The following STPG1 variants were observed in gnomAD, a reference collection of about 807,000 sequenced individuals.
STPG1 encodes O(6)-methylguanine-induced apoptosis 2.
A neutral mutation model predicts 40.1 loss-of-function variants in STPG1; 33 were observed. The ratio of observed to expected loss-of-function variants is 0.82; its 90% CI spans 0.62 to 1.10. STPG1 has a LOEUF of 1.10. Ranked by LOEUF, STPG1 falls within the 50% of genes least tolerant of loss-of-function variation. STPG1 has a pLI of 0.00. For missense variants in STPG1, 396 were observed against 415.1 expected (o/e 0.95, Z 0.40); for synonymous variants, 150 against 155.0 (o/e 0.97, Z 0.24).
At chr1:24,405,568 C>T (rs934204933) in intron 1 of STPG1, among the ~76,000 whole-genome samples, 1 of 152,110 alleles carries the variant, frequency 6.6e-6, no homozygotes, top group African/African-American at 2.4e-5. Flanking sequence ...AAGTCTTTTA[C>T]ATCCTTACTG....
intron 1 of STPG1, among the ~76,000 whole-genome samples, chr1:24,407,420 T>C (rs1327496443): frequency 1.3e-5 from 2 of 151,672 alleles, no homozygotes; most frequent in East Asian, 3.9e-4. Flanking sequence ...GTAGTCTATA[T>C]TGTCATGTCT....
intron 7 of STPG1, chr1:24,369,361 T>G (rs1416730263): frequency 1.9e-6 from 1 of 523,568 alleles, no homozygotes; most frequent in Non-Finnish European, 3.8e-6. Flanking sequence ...GTTGGCTGTG[T>G]GGACTTGGGC....
intron 2 of STPG1, chr1:24,392,154 A>G (rs1051525760): frequency 5.2e-5 from 43 of 828,514 alleles, no homozygotes; most frequent in Admixed American, 6.2e-5. Flanking sequence ...TTTTCAGGGC[A>G]CTGTGCAAGA....
chr1:24,385,731 A>G (rs2148700543), intron 3 of STPG1, among the ~76,000 whole-genome samples: 1 of 152,300 alleles, frequency 6.6e-6, no homozygotes, highest in South Asian at 2.1e-4. Flanking sequence ...TTCTCAAATG[A>G]GATTACATAG....
At chr1:24,406,082 T>C (rs1167893484) in intron 1 of STPG1, among the ~76,000 whole-genome samples, 2 of 151,702 alleles carry the variant, frequency 1.3e-5, no homozygotes, top group African/African-American at 4.8e-5. Context: ...GCACTTGATA[T>C]GGCTGGGCTT....
chr1:24,398,071 T>A (rs1643078961), intron 2 of STPG1, among the ~76,000 whole-genome samples: 1 of 152,168 alleles, frequency 6.6e-6, no homozygotes, highest in Non-Finnish European at 1.5e-5. Context: ...AAAATTTCTA[T>A]GACTTCACAT....
intron 3 of STPG1, among the ~76,000 whole-genome samples, chr1:24,384,783 T>A (rs1354350839): frequency 1.3e-5 from 2 of 152,186 alleles, no homozygotes; most frequent in Non-Finnish European, 2.9e-5. Flanking sequence ...TTTTCAAAGT[T>A]GGTCTCATTT....
chr1:24,381,185 G>C lies in STPG1; in HGVS notation c.292-1362C>G, dbSNP rs541921249. ...CAGAGAGCCCATTCTAAAGGGGAAA[G>C]GGTTGAGCGACATGGCTCTGGGATA... On this transcript the variant is annotated intron_variant, in intron 4 of 8. Transcript: ENST00000337248. 2.6e-5 allele frequency among the ~76,000 whole-genome samples: 4 copies of C among 152,336 alleles called. No individual in the cohort carries two copies. In the South Asian group the frequency reaches 8.3e-4, roughly 32 times the overall value.
At chr1:24,371,765 A>G (rs1467694879) in intron 6 of STPG1, among the ~76,000 whole-genome samples, 1 of 152,238 alleles carries the variant, frequency 6.6e-6, no homozygotes, top group Non-Finnish European at 1.5e-5. Context: ...AATGAAAAGC[A>G]AAAGCAAGGA....
intron 6 of STPG1, among the ~76,000 whole-genome samples, chr1:24,372,520 C>A (rs902097224): frequency 1.4e-4 from 22 of 152,232 alleles, no homozygotes; most frequent in African/African-American, 5.3e-4. Flanking sequence ...GAGGTGCCCA[C>A]ATCCCAGGGC....
chr1:24,386,878 C>G (rs977742534), intron 3 of STPG1, among the ~76,000 whole-genome samples: 1 of 152,178 alleles, frequency 6.6e-6, no homozygotes, highest in Non-Finnish European at 1.5e-5. Flanking sequence ...GGGAAGAGAA[C>G]TCGCATTTAC....
At chr1:24,413,178 G>A (rs987394057) in intron 1 of STPG1, among the ~76,000 whole-genome samples, 3 of 152,240 alleles carry the variant, frequency 2.0e-5, no homozygotes, top group Non-Finnish European at 4.4e-5. Context: ...GAGCTGGAAG[G>A]AAATTTAGCG....
intron 7 of STPG1, among the ~76,000 whole-genome samples, chr1:24,366,966 A>C (rs1331154598): frequency 6.6e-6 from 1 of 152,246 alleles, no homozygotes; most frequent in Admixed American, 6.5e-5. Flanking sequence ...GTTACGATGC[A>C]GTGCTTCTCA....
intron 5 of STPG1, 136 bp downstream of exon 5, chr1:24,379,517 C>T (rs139589737): frequency 2.5e-5 from 23 of 936,256 alleles, no homozygotes; most frequent in Middle Eastern, 3.4e-4. Flanking sequence ...GCCTTAGGCA[C>T]CCATTGGGTA....
rs1439100704 is a variant in STPG1 at position 24,358,395 on chromosome 1, C to T, written c.*148G>A. The T allele has an allele frequency of 1.1e-5, 8 of 749,456 alleles. No individual in the cohort carries two copies. Among genetic ancestry groups the T allele is most frequent in the African/African-American group, 8.6e-5 (5 of 58,424 alleles). 46.4% of individuals were successfully genotyped at this position (749,456 alleles called of 1,614,324 possible). ...CAAGACAAAGGCAATGGCAGCAGTC[C>T]GGCTAGGATGCCAGGCCAGAGTGGT... is the stretch of plus-strand genomic sequence containing the variant. On this transcript the variant is annotated 3_prime_UTR_variant, in exon 9 of 9. Coordinates refer to ENST00000337248, the MANE Select transcript of STPG1 (RefSeq NM_001199013.2).
chr1:24,376,106 C>T (rs542109036), intron 5 of STPG1, among the ~76,000 whole-genome samples: 1 of 152,314 alleles, frequency 6.6e-6, no homozygotes, highest in South Asian at 2.1e-4. Flanking sequence ...CTGCAACCTC[C>T]ACTTTCCAGG....
intron 3 of STPG1, among the ~76,000 whole-genome samples, chr1:24,389,835 G>A (rs999666987): frequency 1.3e-5 from 2 of 152,168 alleles, no homozygotes; most frequent in African/African-American, 4.8e-5. Context: ...GAGCAAATAT[G>A]TATTATCTTT....
intron 3 of STPG1, among the ~76,000 whole-genome samples, chr1:24,385,338 G>T (rs1037461286): frequency 2.6e-5 from 4 of 152,234 alleles, no homozygotes; most frequent in African/African-American, 9.6e-5. Context: ...AGGTGAGAAT[G>T]ATCCCCGGTG....
rs1471955577 is a variant in STPG1, at chr1:24,358,437, T to C, written c.*106A>G. 7.3e-6 allele frequency: 7 copies of C among 954,910 alleles called. No individual in the cohort carries two copies. The highest frequency in any genetic ancestry group is 1.2e-5 in the Non-Finnish European group (7 of 579,808). The allele number at this position is 954,910 out of a possible 1,614,324, so 59.2% of individuals were successfully genotyped here. ...CAGAGTGGTAGAGCCACCCCCCAAG[T>C]TGTCAGCTGCCACACTCATGATCGG... is the stretch of plus-strand genomic sequence containing the variant. On this transcript the variant is annotated 3_prime_UTR_variant, in exon 9 of 9. Coordinates refer to ENST00000337248, the MANE Select transcript of STPG1 (RefSeq NM_001199013.2).
Sources: gnomAD v4.1 joint callset for allele counts (sites outside exome capture counted in the v4.1 genomes callset) on GRCh38, gnomAD v4.1.1 for gene constraint, MANE v1.5 for transcripts, NCBI Gene and HGNC (gene_info 2026-07-23, HGNC 2026-07-21) for gene names.